Variants in WWC2 observed in about 807,000 individuals in gnomAD.
WWC2 encodes WW and C2 domain containing 2, also known as protein WWC2.
WWC2 carries 101 observed loss-of-function variants against 138.5 expected under a neutral mutation model. That is an observed-to-expected ratio of 0.73 (90% CI 0.62 to 0.86). WWC2 has a LOEUF of 0.86. Among genes scored for constraint, WWC2 ranks in the 40% least tolerant of loss-of-function variants. WWC2 has a pLI of 0.00. For missense variants in WWC2, 1,420 were observed against 1,419.4 expected (o/e 1.00, Z -0.01); for synonymous variants, 558 against 538.4 (o/e 1.04, Z -0.50).
intron 1 of WWC2, among the ~76,000 whole-genome samples, chr4:183,133,030 T>C (rs1174198363): frequency 3.0e-5 from 4 of 133,956 alleles, no homozygotes; most frequent in East Asian, 2.0e-4. Flanking sequence ...TCCCTTTTTT[T>C]CCTTTTCTTT....
intron 1 of WWC2, among the ~76,000 whole-genome samples, chr4:183,185,646 A>G (rs1481479187): frequency 6.6e-6 from 1 of 152,052 alleles, no homozygotes; most frequent in Non-Finnish European, 1.5e-5. Flanking sequence ...CAGAGCCAAC[A>G]TTGTGAAGGT....
At chr4:183,284,124 G>T in intron 18 of WWC2, 102 bp from the exon 19 acceptor site, 1 of 1,416,264 alleles carries the variant, frequency 7.1e-7, no homozygotes, top group Non-Finnish European at 9.6e-7. Context: ...AGTGCTCCAT[G>T]AGTCTCTGTT....
intron 1 of WWC2, among the ~76,000 whole-genome samples, chr4:183,153,911 T>G (rs1159697393): frequency 4.8e-5 from 7 of 146,578 alleles, no homozygotes; most frequent in African/African-American, 1.5e-4. Flanking sequence ...CCCAAAGTGC[T>G]GGGATTACAG....
chr4:183,286,164 C>T (rs1487794956), intron 20 of WWC2, 105 bp downstream of exon 20: 12 of 1,094,442 alleles, frequency 1.1e-5, no homozygotes, highest in African/African-American at 3.1e-5. Flanking sequence ...GTGCTCCATG[C>T]GCTTGGCCTA....
chr4:183,207,306 T>C (rs1037016885), intron 2 of WWC2, among the ~76,000 whole-genome samples: 8 of 152,126 alleles, frequency 5.3e-5, no homozygotes, highest in Non-Finnish European at 1.0e-4. Flanking sequence ...TCTGTTTGTT[T>C]GTTTATTTTT....
Position 183,319,869 on chromosome 4 carries a change from C to T in WWC2, c.*4140C>T, listed in dbSNP as rs1047977100. ...CAGAATTCCTCCCAGGATCAGCAGT[C>T]GCCTCTTGAGATCTCTCTGACTCTC... On this transcript the variant is annotated 3_prime_UTR_variant, in exon 23 of 23. Transcript: ENST00000403733. 10 of 1,613,834 alleles carry T rather than the reference C, an allele frequency of 6.2e-6. No homozygotes were observed. Among genetic ancestry groups the T allele is most frequent in the Admixed American group, 3.3e-5 (2 of 59,986 alleles).
At position 183,260,958 on chromosome 4, in the gene WWC2, C is replaced by T. The variant is rs772470023; in HGVS notation, c.1335C>T (p.Ser445=). ...TGTCATCTGGGAGCAGCCTGGGTTC[C>T]CTGGCATCGAGTCGGGGCTCTCTGA... ...LSMSSGSSLG[S]LASSRGSLNT... The change falls in exon 11 of 23, where the codon TCC becomes TCT. Residue 445 remains serine, a synonymous_variant. Transcript: ENST00000403733. 1.2e-6 allele frequency: 2 copies of T among 1,613,920 alleles called. No homozygotes were observed. Among genetic ancestry groups the T allele is most frequent in the Non-Finnish European group, 1.7e-6 (2 of 1,179,874 alleles).
chr4:183,150,516 GT>G (rs988729146), intron 1 of WWC2, among the ~76,000 whole-genome samples: 6 of 151,890 alleles, frequency 4.0e-5, no homozygotes, highest in Non-Finnish European at 8.8e-5. Flanking sequence ...TATTAGGTTT[GT>G]TTTTTAAAAA....
chr4:183,268,894 G>C (rs947242087), intron 14 of WWC2, 77 bp from the exon 15 acceptor site: 1 of 1,393,900 alleles, frequency 7.2e-7, no homozygotes, highest in African/African-American at 1.4e-5. Flanking sequence ...TCTCTTTGCA[G>C]ATAATTTCAA....
intron 14 of WWC2, among the ~76,000 whole-genome samples, chr4:183,267,808 A>G (rs552186188): frequency 1.3e-5 from 2 of 152,334 alleles, no homozygotes; most frequent in South Asian, 2.1e-4. Context: ...CCTGACATAT[A>G]TAGCAATCTT....
intron 2 of WWC2, among the ~76,000 whole-genome samples, chr4:183,199,872 T>C (rs1735253044): frequency 6.6e-6 from 1 of 152,208 alleles, no homozygotes; most frequent in South Asian, 2.1e-4. Flanking sequence ...AACAGCAAAT[T>C]ATATTATAAT....
At chr4:183,168,993 C>T (rs1338329525) in intron 1 of WWC2, among the ~76,000 whole-genome samples, 8 of 151,966 alleles carry the variant, frequency 5.3e-5, no homozygotes, top group Non-Finnish European at 1.2e-4. Flanking sequence ...GTATTACAGG[C>T]GTGCACCACC....
intron 15 of WWC2, chr4:183,269,561 G>A (rs1737631375): frequency 4.3e-6 from 2 of 468,972 alleles, no homozygotes; most frequent in African/African-American, 2.0e-5. Flanking sequence ...GTTATGAAAT[G>A]GATGATTATC....
At chr4:183,297,046 C>G (rs1227354157) in intron 21 of WWC2, among the ~76,000 whole-genome samples, 13 of 151,880 alleles carry the variant, frequency 8.6e-5, no homozygotes, top group Non-Finnish European at 1.9e-4. Context: ...GTGACCACAG[C>G]CCACTACAGC....
At chr4:183,279,730 T>G (rs1738002805) in intron 16 of WWC2, among the ~76,000 whole-genome samples, 2 of 152,134 alleles carry the variant, frequency 1.3e-5, no homozygotes, top group Non-Finnish European at 2.9e-5. Context: ...GAGGAATTTA[T>G]CCATTTCTTC....
At chr4:183,230,845 A>G (rs1415078438) in intron 4 of WWC2, among the ~76,000 whole-genome samples, 1 of 152,248 alleles carries the variant, frequency 6.6e-6, no homozygotes, top group African/African-American at 2.4e-5. Flanking sequence ...ACACATGCTT[A>G]AGAAATAAAG....
chr4:183,145,867 A>T lies in WWC2; in HGVS notation c.131+46245A>T, dbSNP rs561984922. On this transcript the variant is annotated intron_variant, in intron 1 of 22. Coordinates refer to ENST00000403733, the MANE Select transcript of WWC2 (RefSeq NM_024949.6). ...TAACCCTAGTTTTCCTGTGTAGTTT[A>T]TGGGGCATGCCTGCCTTCATCTCTT... Among the ~76,000 whole-genome samples, 14 of 152,246 alleles carry T rather than the reference A, an allele frequency of 9.2e-5. 2 individuals carry two copies. In the South Asian group the frequency reaches 2.9e-3, roughly 32 times the overall value.
At chr4:183,262,016 G>A (rs927857528) in intron 11 of WWC2, among the ~76,000 whole-genome samples, 1 of 152,196 alleles carries the variant, frequency 6.6e-6, no homozygotes, top group Non-Finnish European at 1.5e-5. Context: ...CTGGCGAAAA[G>A]TTAATTTAAA....
At chr4:183,280,229 G>GGTTTTTTTTTTTTTTT (rs1738018362) in intron 16 of WWC2, among the ~76,000 whole-genome samples, 1 of 65,430 alleles carries the variant, frequency 1.5e-5, no homozygotes, top group Non-Finnish European at 2.7e-5. Context: ...GATAGCAGCT[G>GGTTTTTTTTTTTTTTT]TTTTTTTTTT....
Sources: gnomAD v4.1 joint callset for allele counts (sites outside exome capture counted in the v4.1 genomes callset) on GRCh38, gnomAD v4.1.1 for gene constraint, MANE v1.5 for transcripts, NCBI Gene and HGNC (gene_info 2026-07-23, HGNC 2026-07-21) for gene names.